Variants in DOP1A observed in about 807,000 individuals in gnomAD.
DOP1A encodes protein DOP1A.
A neutral mutation model predicts 267.6 loss-of-function variants in DOP1A; 90 were observed. That is an observed-to-expected ratio of 0.34 (90% CI 0.28 to 0.40). The LOEUF (loss-of-function observed/expected upper bound fraction) is 0.40, where lower values mean the gene tolerates loss of function less well. Ranked by LOEUF, DOP1A falls within the 10% of genes least tolerant of loss-of-function variation. The pLI is 1.00. For synonymous variants in DOP1A, 932 were observed against 999.1 expected (o/e 0.93, Z 1.27); for missense variants, 2,437 against 2,900.4 (o/e 0.84, Z 3.67).
At chr6:83,164,188 A>G (rs977831999) in intron 38 of DOP1A, among the ~76,000 whole-genome samples, 5 of 150,496 alleles carry the variant, frequency 3.3e-5, no homozygotes, top group South Asian at 2.1e-4. Context: ...ACTGAATTCC[A>G]TAACTATAAA....
chr6:83,167,127 C>T, intron 38 of DOP1A: 1 of 947,922 alleles, frequency 1.1e-6, no homozygotes, highest in Non-Finnish European at 1.3e-6. Context: ...CATACCTTCT[C>T]ATTTGACTTC....
At chr6:83,134,453 T>C in intron 19 of DOP1A, 166 bp downstream of exon 19, 2 of 528,944 alleles carry the variant, frequency 3.8e-6, no homozygotes, top group Non-Finnish European at 6.3e-6. Flanking sequence ...TGCATGGCAT[T>C]TTTACTCATC....
At chr6:83,100,985 C>A in intron 4 of DOP1A, 99 bp downstream of exon 4, 1 of 744,602 alleles carries the variant, frequency 1.3e-6, no homozygotes, top group East Asian at 3.5e-5. Flanking sequence ...ATTGAAAACT[C>A]CTTAGTGATT....
chr6:83,138,679 A>C lies in DOP1A; in HGVS notation c.4637A>C (p.Lys1546Thr). 6.2e-7 allele frequency: 1 copy of C among 1,613,966 alleles called. No homozygotes were observed. Among genetic ancestry groups the C allele is most frequent in the African/African-American group, 1.3e-5 (1 of 75,022 alleles). Residue 1546 changes from lysine to threonine, a missense_variant, in exon 21 of 39, where the codon AAA becomes ACA. Physicochemically the swap from Lys to Thr is moderately conservative, Grantham distance 78 (BLOSUM62 -1). Coordinates refer to ENST00000349129, the MANE Select transcript of DOP1A (RefSeq NM_015018.4). ...IFSAQKWHSE[K>T]MAGKNLVAVE... Reference sequence around the variant, plus strand: ...AGTGCTCAGAAATGGCATAGTGAAAAAATGGCAGGTAAGAACCTGGTTGCT... The same window carrying C: ...AGTGCTCAGAAATGGCATAGTGAAACAATGGCAGGTAAGAACCTGGTTGCT...
intron 1 of DOP1A, among the ~76,000 whole-genome samples, chr6:83,088,780 G>T (rs899959419): frequency 6.6e-6 from 1 of 152,108 alleles, no homozygotes; most frequent in Non-Finnish European, 1.5e-5. Flanking sequence ...CTGGCTTTAT[G>T]AATTGACTAA....
At chr6:83,157,052 A>G in intron 34 of DOP1A, 130 bp from the exon 35 acceptor site, 6 of 789,182 alleles carry the variant, frequency 7.6e-6, no homozygotes, top group Non-Finnish European at 1.2e-5. Flanking sequence ...GAAAATATCT[A>G]CAACAGTTTT....
chr6:83,153,016 C>T (rs1464939698), intron 30 of DOP1A, among the ~76,000 whole-genome samples: 1 of 152,088 alleles, frequency 6.6e-6, no homozygotes, highest in African/African-American at 2.4e-5. Flanking sequence ...CTTTTTTATA[C>T]CCTATTATAC....
At chr6:83,152,133 A>G (rs772845271) in intron 29 of DOP1A, 106 bp downstream of exon 29, 13 of 1,316,340 alleles carry the variant, frequency 9.9e-6, no homozygotes, top group Non-Finnish European at 1.4e-5. Flanking sequence ...CCCTTTTCTC[A>G]TGTCTAACAA....
In DOP1A at chr6:83,074,358, G is replaced by T. The variant is rs147779117; in HGVS notation, c.-147+6579G>T. 8.5e-4 allele frequency among the ~76,000 whole-genome samples: 130 copies of T among 152,084 alleles called. 1 individual carries two copies. Among genetic ancestry groups the T allele is most frequent in the African/African-American group, 3.0e-3 (126 of 41,506 alleles). On this transcript the variant is annotated intron_variant, in intron 1 of 38. Coordinates refer to ENST00000349129, the MANE Select transcript of DOP1A (RefSeq NM_015018.4). The stretch of plus-strand genomic sequence containing the variant: ...AGGAAATACCACATTTTACACAGTT[G>T]CTATTTCATGTTCTTTAGGGACATT...
chr6:83,161,249 A>T (rs1350139635), intron 37 of DOP1A: 1 of 152,166 alleles, frequency 6.6e-6, no homozygotes, highest in Non-Finnish European at 1.5e-5. Context: ...GTTACTACAA[A>T]AGGGAAGGAA....
intron 1 of DOP1A, among the ~76,000 whole-genome samples, chr6:83,081,028 A>G (rs1357820583): frequency 6.6e-6 from 1 of 152,236 alleles, no homozygotes; most frequent in East Asian, 1.9e-4. Flanking sequence ...TGTAACCAAA[A>G]TAACATGGAA....
At position 83,137,454 on chromosome 6, in the gene DOP1A, C is replaced by T. The variant is rs1779029931; in HGVS notation, c.3412C>T (p.Gln1138Ter). Reference protein sequence around the residue: ...PETVNAQEDSQMPKESSPDDD... With the variant: ...PETVNAQEDS ...AACCGTGAATGCCCAAGAGGATTCT[C>T]AAATGCCCAAGGAAAGCTCCCCAGA... The change falls in exon 21 of 39, where the codon CAA (glutamine) becomes TAA (stop). Residue 1138 changes from glutamine (Q) to a stop codon, truncating the protein, a stop_gained. Coordinates refer to ENST00000349129, the MANE Select transcript of DOP1A (RefSeq NM_015018.4). LOFTEE classifies it high-confidence loss of function. 6.2e-7 allele frequency: 1 copy of T among 1,613,726 alleles called. No individual in the cohort carries two copies. Among genetic ancestry groups the T allele is most frequent in the Non-Finnish European group, 8.5e-7 (1 of 1,179,844 alleles).
chr6:83,131,964 A>G (rs1486747383), intron 17 of DOP1A, among the ~76,000 whole-genome samples: 2 of 152,170 alleles, frequency 1.3e-5, no homozygotes, highest in Non-Finnish European at 2.9e-5. Flanking sequence ...AACAAATATC[A>G]TTAAAGGACT....
intron 1 of DOP1A, among the ~76,000 whole-genome samples, chr6:83,079,300 T>G (rs536878964): frequency 4.6e-5 from 7 of 152,224 alleles, no homozygotes; most frequent in Non-Finnish European, 1.0e-4. Flanking sequence ...CTCAGTGAAT[T>G]TTTTTGCATG....
intron 15 of DOP1A, among the ~76,000 whole-genome samples, chr6:83,127,097 T>C (rs1218294813): frequency 1.3e-5 from 2 of 152,006 alleles, no homozygotes; most frequent in African/African-American, 4.8e-5. Context: ...AAAAGACATA[T>C]CAAAAGGCTG....
chr6:83,117,119 T>TTTTTATTTTATTTTA (rs55825933), intron 7 of DOP1A, among the ~76,000 whole-genome samples: 1,420 of 131,338 alleles, frequency 0.011, 33 homozygotes, highest in East Asian at 0.019. Flanking sequence ...TTTTAGTACT[T>TTTTTATTTTATTTTA]TTTTATTTTA....
At chr6:83,130,443 G>A in intron 17 of DOP1A, 46 bp downstream of exon 17, 1 of 1,557,062 alleles carries the variant, frequency 6.4e-7, no homozygotes, top group South Asian at 1.2e-5. Flanking sequence ...TTACAGCCAT[G>A]TATGATACTT....
intron 1 of DOP1A, among the ~76,000 whole-genome samples, chr6:83,071,138 G>T (rs1405236360): frequency 6.6e-6 from 1 of 152,170 alleles, no homozygotes; most frequent in Non-Finnish European, 1.5e-5. Context: ...AATTTCAGTG[G>T]TGTTAACATC....
At position 83,137,316 on chromosome 6, in the gene DOP1A, G is replaced by A; in HGVS notation, c.3274G>A (p.Val1092Ile). 6.2e-7 allele frequency: 1 copy of A among 1,613,762 alleles called. No individual in the cohort carries two copies. The highest frequency in any genetic ancestry group is 8.5e-7 in the Non-Finnish European group (1 of 1,179,792). The part of the protein sequence containing the change: ...LSTSSETIPM[V>I]VSDFDLPDQQ... ...TACCAGCAGTGAGACAATTCCAATG[G>A]TTGTGTCTGATTTTGATCTTCCAGA... The change falls in exon 21 of 39, where the codon GTT becomes ATT. Residue 1092 changes from valine (V) to isoleucine (I), a missense_variant. Physicochemically the swap from Val to Ile is conservative, Grantham distance 29. This residue lies in a region of DOP1A where 878 missense variants were observed against 992.9 expected (regional missense o/e 0.88). Coordinates refer to ENST00000349129, the MANE Select transcript of DOP1A (RefSeq NM_015018.4).
Sources: allele counts gnomAD v4.1 joint callset (sites outside exome capture counted in the v4.1 genomes callset), GRCh38; gene constraint gnomAD v4.1.1; regional missense constraint gnomAD v4.1.1; transcripts MANE v1.5; gene names NCBI Gene and HGNC (gene_info 2026-07-23, HGNC 2026-07-21).